The following ECM2 variants were observed in gnomAD, a reference collection of about 807,000 sequenced individuals.
ECM2 encodes extracellular matrix protein 2, female organ and adipocyte specific.
ECM2 carries 57 observed loss-of-function variants against 67.5 expected under a neutral mutation model. The observed-to-expected ratio is 0.84, with a 90% CI of 0.68 to 1.05. The LOEUF (loss-of-function observed/expected upper bound fraction) is 1.05, where lower values mean the gene tolerates loss of function less well. Ranked by LOEUF, ECM2 falls within the 50% of genes least tolerant of loss-of-function variation. ECM2 has a pLI of 0.00. For synonymous variants in ECM2, 258 were observed against 294.5 expected (o/e 0.88, Z 1.27); for missense variants, 741 against 822.8 (o/e 0.90, Z 1.22).
At chr9:92,556,325 G>A in the ECM2 span, among the ~76,000 whole-genome samples, 1 of 152,096 alleles carries the variant, frequency 6.6e-6, no homozygotes, top group Non-Finnish European at 1.5e-5. Context: ...CTATCTTGGA[G>A]AAAGTTCCAT....
At chr9:92,516,229 T>C (rs559883356) in intron 3 of ECM2, among the ~76,000 whole-genome samples, 1 of 152,086 alleles carries the variant, frequency 6.6e-6, no homozygotes, top group South Asian at 2.1e-4. Flanking sequence ...CATGCCAGGC[T>C]AATTTTTGTA....
upstream of ECM2, among the ~76,000 whole-genome samples, chr9:92,540,632 A>G (rs1206481858): frequency 2.6e-5 from 4 of 151,214 alleles, no homozygotes; most frequent in Non-Finnish European, 4.4e-5. Flanking sequence ...TTAGCCGAGC[A>G]TGGTGGCACG....
chr9:92,533,319 AAAAAAAAAAAT>A (rs1334946899), intron 1 of ECM2, among the ~76,000 whole-genome samples: 48 of 103,470 alleles, frequency 4.6e-4, no homozygotes, highest in Non-Finnish European at 7.5e-4. Flanking sequence ...AAAAAAAAAA[AAAAAAAAAAAT>A]ATATATATAT....
At position 92,518,426 on chromosome 9, in the gene ECM2, G is replaced by A. The variant is rs184863947; in HGVS notation, c.293-551C>T. Among the ~76,000 whole-genome samples the A allele has an allele frequency of 2.6e-3, 394 of 152,274 alleles. 1 individual carries two copies. Among genetic ancestry groups the A allele is most frequent in the Non-Finnish European group, 4.2e-3 (289 of 68,008 alleles). On this transcript the variant is annotated intron_variant, in intron 2 of 9. Coordinates refer to ENST00000344604, the MANE Select transcript of ECM2 (RefSeq NM_001393.4). ...AATCCAGTTCCCTCATGTGACCAGAGAGCTGAGCTAGCACTAATGATGAGC... is the reference window on the plus strand; with the variant it reads ...AATCCAGTTCCCTCATGTGACCAGAAAGCTGAGCTAGCACTAATGATGAGC...
At chr9:92,494,299 A>G, downstream of ECM2, 2 of 616,182 alleles carry the variant, frequency 3.2e-6, no homozygotes, top group Middle Eastern at 2.6e-4. Flanking sequence ...GCCTTAAACC[A>G]TTTATGTCAA....
chr9:92,525,317 CAA>C (rs59745811), intron 1 of ECM2, among the ~76,000 whole-genome samples: 12 of 118,470 alleles, frequency 1.0e-4, no homozygotes, highest in Admixed American at 1.8e-4. Context: ...GACTCTGTCT[CAA>C]AAAAAAAAAA....
intron 7 of ECM2, among the ~76,000 whole-genome samples, chr9:92,505,297 A>G (rs1011298482): frequency 1.3e-5 from 2 of 152,194 alleles, no homozygotes; most frequent in African/African-American, 2.4e-5. Flanking sequence ...ATTTCCCCCA[A>G]GAGCTATCAG....
the ECM2 span, among the ~76,000 whole-genome samples, chr9:92,558,986 C>T: frequency 3.3e-5 from 5 of 152,054 alleles, no homozygotes; most frequent in Non-Finnish European, 7.4e-5. Context: ...CCCCGCCACC[C>T]AACAGCCCCA....
chr9:92,537,387 G>A (rs1454128496), upstream of ECM2, among the ~76,000 whole-genome samples: 2 of 152,102 alleles, frequency 1.3e-5, no homozygotes, highest in Non-Finnish European at 2.9e-5. Context: ...CTAGCTGAGT[G>A]CAGTGGCTCA....
downstream of ECM2, chr9:92,494,099 G>A (rs1444051473): frequency 1.3e-6 from 2 of 1,597,684 alleles, no homozygotes; most frequent in African/African-American, 1.3e-5. Flanking sequence ...GAGAGGAAAG[G>A]CCACATCTGA....
chr9:92,504,928 C>CA (rs2131166819), intron 7 of ECM2, among the ~76,000 whole-genome samples: 1 of 152,312 alleles, frequency 6.6e-6, no homozygotes, highest in African/African-American at 2.4e-5. Context: ...GGAGACCACA[C>CA]ATCTGGGGAC....
At chr9:92,508,020 C>T (rs1380414114) in intron 6 of ECM2, among the ~76,000 whole-genome samples, 6 of 152,176 alleles carry the variant, frequency 3.9e-5, no homozygotes, top group Non-Finnish European at 8.8e-5. Context: ...GCCCTCCTTC[C>T]CCCTCTCTGG....
the ECM2 span, among the ~76,000 whole-genome samples, chr9:92,544,383 C>T: frequency 2.0e-5 from 3 of 152,078 alleles, no homozygotes; most frequent in East Asian, 3.9e-4. Context: ...GGCTGAGGCA[C>T]GAGAATCGCT....
At chr9:92,541,957 C>A in the ECM2 span, among the ~76,000 whole-genome samples, 5 of 152,216 alleles carry the variant, frequency 3.3e-5, no homozygotes, top group Admixed American at 2.6e-4. Context: ...CCGCACCCAG[C>A]TAATTTTTGT....
chr9:92,505,266 A>G (rs1846931301), intron 7 of ECM2, among the ~76,000 whole-genome samples: 1 of 152,136 alleles, frequency 6.6e-6, no homozygotes, highest in Non-Finnish European at 1.5e-5. Flanking sequence ...GTTTCATTTA[A>G]ATTCTCAATT....
At chr9:92,554,534 G>A in the ECM2 span, among the ~76,000 whole-genome samples, 1 of 151,968 alleles carries the variant, frequency 6.6e-6, no homozygotes, top group Non-Finnish European at 1.5e-5. Flanking sequence ...ACCTGCATAT[G>A]TTAAACCATC....
At chr9:92,507,145 G>A (rs543663762) in intron 6 of ECM2, among the ~76,000 whole-genome samples, 1 of 152,282 alleles carries the variant, frequency 6.6e-6, no homozygotes, top group East Asian at 1.9e-4. Context: ...GATGGGGATG[G>A]CAGGACAAGG....
rs1237997025 is a variant in ECM2, at chr9:92,501,066, A to G, written c.1605-13T>C. The G allele has an allele frequency of 6.2e-7, 1 of 1,609,006 alleles. No homozygotes were observed. Among genetic ancestry groups the G allele is most frequent in the Non-Finnish European group, 8.5e-7 (1 of 1,175,950 alleles). ...GGATTCTAGATTTCTGCAGCAAAGA[A>G]AAAAGTAAACAGGGTAGGGACATCA... On this transcript the variant is annotated splice_polypyrimidine_tract_variant and intron_variant, in intron 8 of 9. Coordinates refer to ENST00000344604, the MANE Select transcript of ECM2 (RefSeq NM_001393.4).
At chr9:92,549,655 AAAAC>A in the ECM2 span, among the ~76,000 whole-genome samples, 6 of 143,788 alleles carry the variant, frequency 4.2e-5, 1 homozygote, top group African/African-American at 1.1e-4. Flanking sequence ...TCAAAAAAAA[AAAAC>A]AAAACAAAAC....
Sources: gnomAD v4.1 joint callset for allele counts (sites outside exome capture counted in the v4.1 genomes callset) on GRCh38, gnomAD v4.1.1 for gene constraint, MANE v1.5 for transcripts, NCBI Gene and HGNC (gene_info 2026-07-23, HGNC 2026-07-21) for gene names.